The following CDH2 variants were observed in gnomAD, a reference collection of about 807,000 sequenced individuals.
CDH2 encodes cadherin 2.
Under a neutral mutation model 92.0 loss-of-function variants are expected in CDH2, and 17 were observed. That is an observed-to-expected ratio of 0.18 (90% confidence interval 0.13 to 0.28). CDH2 has a LOEUF of 0.28. Among genes scored for constraint, CDH2 ranks in the 10% least tolerant of loss-of-function variants. The pLI, the probability that CDH2 is intolerant of heterozygous loss-of-function variation, is 1.00. For missense variants in CDH2, 862 were observed against 1,133.1 expected (o/e 0.76, Z 3.44); for synonymous variants, 419 against 415.9 (o/e 1.01, Z -0.09).
At chr18:27,968,088 G>A (rs894512892) in intron 14 of CDH2, among the ~76,000 whole-genome samples, 1 of 152,174 alleles carries the variant, frequency 6.6e-6, no homozygotes, top group Non-Finnish European at 1.5e-5. Flanking sequence ...TCAGGTCAGA[G>A]AGCAAGAAAG....
chr18:28,028,702 G>T, intron 2 of CDH2, among the ~76,000 whole-genome samples: 1 of 152,068 alleles, frequency 6.6e-6, no homozygotes, highest in East Asian at 1.9e-4. Flanking sequence ...AAAGAACTTT[G>T]TAAGCTGAAA....
intron 4 of CDH2, 111 bp downstream of exon 4, chr18:28,011,735 C>T: frequency 1.0e-6 from 1 of 991,458 alleles, no homozygotes; most frequent in Non-Finnish European, 1.5e-6. Flanking sequence ...TAGAAAAACA[C>T]TTTTAGTATA....
At chr18:28,163,833 T>C (rs926645692) in intron 1 of CDH2, among the ~76,000 whole-genome samples, 3 of 152,172 alleles carry the variant, frequency 2.0e-5, no homozygotes, top group East Asian at 1.9e-4. Context: ...AAAATGTCTA[T>C]ATAGATGATA....
chr18:28,075,001 C>A (rs1051437118), intron 2 of CDH2, among the ~76,000 whole-genome samples: 1 of 152,132 alleles, frequency 6.6e-6, no homozygotes, highest in African/African-American at 2.4e-5. Flanking sequence ...CACTGTGGGG[C>A]AATTCACATC....
downstream of CDH2, among the ~76,000 whole-genome samples, chr18:27,950,785 T>A (rs535601454): frequency 8.5e-5 from 13 of 152,314 alleles, no homozygotes; most frequent in South Asian, 2.5e-3. Context: ...TCTTCTATGA[T>A]GATGGGAAGG....
intron 2 of CDH2, among the ~76,000 whole-genome samples, chr18:28,088,800 C>T (rs760062458): frequency 6.6e-6 from 1 of 152,056 alleles, no homozygotes; most frequent in African/African-American, 2.4e-5. Context: ...AAAAGATAGA[C>T]ACCATACAAA....
intron 2 of CDH2, among the ~76,000 whole-genome samples, chr18:28,095,203 T>G (rs1406188213): frequency 1.3e-5 from 2 of 152,096 alleles, no homozygotes; most frequent in African/African-American, 4.8e-5. Context: ...CGGAGAGTAT[T>G]CAGACATCTA....
intron 2 of CDH2, among the ~76,000 whole-genome samples, chr18:28,060,821 C>T (rs977408391): frequency 2.6e-5 from 4 of 152,174 alleles, no homozygotes; most frequent in African/African-American, 7.2e-5. Flanking sequence ...TTCTGGTGAA[C>T]CTCAGTATGG....
intron 2 of CDH2, among the ~76,000 whole-genome samples, chr18:28,092,709 G>A (rs2015059257): frequency 6.6e-6 from 1 of 152,058 alleles, no homozygotes; most frequent in Non-Finnish European, 1.5e-5. Flanking sequence ...TTCAGAGGTG[G>A]TATCAAATGA....
At chr18:28,065,534 T>C (rs886527530) in intron 2 of CDH2, among the ~76,000 whole-genome samples, 1 of 152,166 alleles carries the variant, frequency 6.6e-6, no homozygotes, top group African/African-American at 2.4e-5. Flanking sequence ...GAGGGATTAC[T>C]CCTCTACATT....
At chr18:27,971,320 T>C (rs1172056511) in intron 14 of CDH2, among the ~76,000 whole-genome samples, 1 of 151,656 alleles carries the variant, frequency 6.6e-6, no homozygotes, top group Non-Finnish European at 1.5e-5. Flanking sequence ...TTTTTTTTTT[T>C]TTTTTGCATA....
At chr18:27,953,069 GAATT>G (rs140066657) in intron 15 of CDH2, among the ~76,000 whole-genome samples, 8 of 152,204 alleles carry the variant, frequency 5.3e-5, no homozygotes, top group South Asian at 2.1e-4. Flanking sequence ...ATAAAATGTG[GAATT>G]AATTAATTGT....
intron 5 of CDH2, among the ~76,000 whole-genome samples, 155 bp from the exon 6 acceptor site, chr18:28,006,148 A>G (rs1472553870): frequency 3.3e-5 from 5 of 152,222 alleles, no homozygotes; most frequent in African/African-American, 4.8e-5. Context: ...CCAAGTCCAT[A>G]TAATTAGGAT....
At chr18:28,016,598 G>A (rs1206544011) in intron 2 of CDH2, among the ~76,000 whole-genome samples, 1 of 152,100 alleles carries the variant, frequency 6.6e-6, no homozygotes, top group Non-Finnish European at 1.5e-5. Context: ...TCCTGAGGTG[G>A]GAATCATTGT....
At chr18:27,955,991 T>G (rs1910545684) in intron 15 of CDH2, among the ~76,000 whole-genome samples, 1 of 152,234 alleles carries the variant, frequency 6.6e-6, no homozygotes, top group African/African-American at 2.4e-5. Flanking sequence ...AAAATATGAC[T>G]CTTCTGAACG....
chr18:28,013,584 G>A lies in CDH2; in HGVS notation c.399+99C>T, dbSNP rs796417337. ...CAAAGTTGATACAAATGCAAATAGTGGCCATCCATTAATGTGGTCTGAAGC... is the reference window on the plus strand; with the variant it reads ...CAAAGTTGATACAAATGCAAATAGTAGCCATCCATTAATGTGGTCTGAAGC... On this transcript the variant is annotated intron_variant, in intron 3 of 15. Coordinates refer to ENST00000269141, the MANE Select transcript of CDH2 (RefSeq NM_001792.5). 1.3e-5 allele frequency: 10 copies of A among 792,276 alleles called. No homozygotes were observed. In the African/African-American group the frequency reaches 1.5e-4, roughly 12 times the overall value. The allele number at this position is 792,276 out of a possible 1,614,324, so 49.1% of individuals were successfully genotyped here.
chr18:28,088,118 T>C (rs1258079960), intron 2 of CDH2, among the ~76,000 whole-genome samples: 1 of 152,206 alleles, frequency 6.6e-6, no homozygotes, highest in African/African-American at 2.4e-5. Context: ...CCTTGATTAA[T>C]CAGGCTTAAT....
chr18:27,958,525 T>C (rs964898993), intron 15 of CDH2, among the ~76,000 whole-genome samples: 12 of 149,940 alleles, frequency 8.0e-5, no homozygotes, highest in African/African-American at 2.9e-4. Context: ...ATGTGTATAT[T>C]TGTATATACA....
At chr18:28,055,504 GA>G (rs1490478801) in intron 2 of CDH2, among the ~76,000 whole-genome samples, 2 of 152,174 alleles carry the variant, frequency 1.3e-5, no homozygotes, top group Non-Finnish European at 2.9e-5. Flanking sequence ...GGGTGAAGAA[GA>G]GTTATTTGGA....
Sources: allele counts gnomAD v4.1 joint callset (sites outside exome capture counted in the v4.1 genomes callset), GRCh38; gene constraint gnomAD v4.1.1; transcripts MANE v1.5; gene names NCBI Gene and HGNC (gene_info 2026-07-23, HGNC 2026-07-21).